UST: variants seen among roughly 807,000 people sequenced by gnomAD.
UST encodes uronyl 2-sulfotransferase, also known as chondroitin sulfate 2-O-sulfotransferase.
A neutral mutation model predicts 45.6 loss-of-function variants in UST; 21 were observed. That is an observed-to-expected ratio of 0.46 (90% CI 0.33 to 0.66). UST has a LOEUF of 0.66. Among genes scored for constraint, UST ranks in the 30% least tolerant of loss-of-function variants. The pLI is 0.02. For synonymous variants in UST, 215 were observed against 200.6 expected, an observed-to-expected ratio of 1.07 and a Z score of -0.61; for missense variants, 463 against 512.4, an observed-to-expected ratio of 0.90 and a Z score of 0.93.
At chr6:148,969,170 T>A (rs1007618535) in intron 5 of UST, among the ~76,000 whole-genome samples, 2 of 152,226 alleles carry the variant, frequency 1.3e-5, no homozygotes, top group Non-Finnish European at 2.9e-5. Context: ...AAATTTCCAC[T>A]CTGTCCCAAC....
intron 1 of UST, among the ~76,000 whole-genome samples, chr6:148,873,129 T>G (rs1021858032): frequency 1.3e-5 from 2 of 152,230 alleles, no homozygotes; most frequent in Non-Finnish European, 2.9e-5. Context: ...ATGCTGAAAT[T>G]TCTTGCAATA....
At chr6:148,806,564 C>T (rs1358165069) in intron 1 of UST, among the ~76,000 whole-genome samples, 5 of 151,994 alleles carry the variant, frequency 3.3e-5, no homozygotes, top group South Asian at 2.1e-4. Context: ...GTCTTGAACT[C>T]CTGACCTCAA....
chr6:148,785,767 G>A (rs1776723097), intron 1 of UST, among the ~76,000 whole-genome samples: 1 of 151,916 alleles, frequency 6.6e-6, no homozygotes, highest in Admixed American at 6.6e-5. Context: ...AAGATGTTGA[G>A]GAAAAAAATG....
intron 1 of UST, among the ~76,000 whole-genome samples, chr6:148,774,286 AT>A (rs61044877): frequency 0.12 from 18,464 of 148,854 alleles, 1,277 homozygotes; most frequent in African/African-American, 0.15. Context: ...ATATATATAT[AT>A]ATAAAAATAT....
At chr6:149,059,499 G>T (rs143721279) in intron 7 of UST, among the ~76,000 whole-genome samples, 1 of 152,282 alleles carries the variant, frequency 6.6e-6, no homozygotes, top group Middle Eastern at 3.4e-3. Flanking sequence ...CTTCCCATCC[G>T]CAGTGAAACA....
At chr6:148,961,343 CCTGACTCTTCTA>C (rs1780653013) in intron 4 of UST, among the ~76,000 whole-genome samples, 1 of 152,094 alleles carries the variant, frequency 6.6e-6, no homozygotes, top group Non-Finnish European at 1.5e-5. Flanking sequence ...CAAAATATGG[CCTGACTCTTCTA>C]CTCTCTAGTG....
At chr6:149,055,702 C>G (rs1776551800) in intron 7 of UST, among the ~76,000 whole-genome samples, 1 of 152,178 alleles carries the variant, frequency 6.6e-6, no homozygotes, top group Non-Finnish European at 1.5e-5. Flanking sequence ...GTTTCTTTTT[C>G]ATTTCCCCTT....
chr6:148,942,389 C>T (rs1490225538), intron 3 of UST, among the ~76,000 whole-genome samples: 3 of 152,070 alleles, frequency 2.0e-5, no homozygotes, highest in East Asian at 3.9e-4. Flanking sequence ...AACTGCGTCT[C>T]TACTAAAAAT....
intron 7 of UST, among the ~76,000 whole-genome samples, chr6:149,023,660 G>A (rs1776011772): frequency 6.6e-6 from 1 of 152,162 alleles, no homozygotes; most frequent in African/African-American, 2.4e-5. Context: ...CCTGAGGTCT[G>A]GAACACACAC....
At chr6:148,803,972 A>G (rs1777101366) in intron 1 of UST, among the ~76,000 whole-genome samples, 1 of 152,168 alleles carries the variant, frequency 6.6e-6, no homozygotes, top group Non-Finnish European at 1.5e-5. Flanking sequence ...TGGCTTGATT[A>G]TGCACTTCGT....
At chr6:148,988,224 A>G (rs1285364469) in intron 5 of UST, among the ~76,000 whole-genome samples, 1 of 152,142 alleles carries the variant, frequency 6.6e-6, no homozygotes, top group Non-Finnish European at 1.5e-5. Flanking sequence ...GAAACTTGAC[A>G]TTGAACAGTT....
chr6:148,985,923 A>G (rs557568120), intron 5 of UST, among the ~76,000 whole-genome samples: 1 of 152,328 alleles, frequency 6.6e-6, no homozygotes, highest in African/African-American at 2.4e-5. Flanking sequence ...ATGCCTGTGA[A>G]GGGAAAAGGA....
At chr6:148,991,243 A>T (rs1281273050) in intron 5 of UST, among the ~76,000 whole-genome samples, 1 of 152,198 alleles carries the variant, frequency 6.6e-6, no homozygotes, top group Non-Finnish European at 1.5e-5. Context: ...CAAAAAATAC[A>T]TCATAGTTTT....
At chr6:148,887,617 C>T (rs1778937274) in intron 2 of UST, among the ~76,000 whole-genome samples, 2 of 152,204 alleles carry the variant, frequency 1.3e-5, no homozygotes, top group Admixed American at 6.5e-5. Context: ...TGCTAATCTA[C>T]TGAAAAGTGA....
chr6:148,993,195 T>G (rs1781387785), intron 5 of UST: 2 of 423,878 alleles, frequency 4.7e-6, no homozygotes, highest in South Asian at 9.9e-5. Context: ...ATAAGAAGAA[T>G]GAGTTTCTCC....
rs370834214 is a variant in UST at position 148,929,731 on chromosome 6, G to GT, written c.292-11547dup. On this transcript the variant is annotated intron_variant, in intron 2 of 7. Transcript: ENST00000367463. ...CATCCTCGTATTGATACATGGAGAT[G>GT]TAACATAAAGCAGAGAAGTTCTTTA... Among the ~76,000 whole-genome samples, 150 of 152,336 alleles carry GT rather than the reference G, an allele frequency of 9.8e-4. 1 individual carries two copies. Among genetic ancestry groups the GT allele is most frequent in the African/African-American group, 3.5e-3 (145 of 41,574 alleles).
At chr6:148,959,850 A>T (rs7746457) in intron 4 of UST, among the ~76,000 whole-genome samples, 2 of 150,132 alleles carry the variant, frequency 1.3e-5, no homozygotes, top group Non-Finnish European at 2.9e-5. Context: ...TGGTGGGCGG[A>T]GGGGAGTCTA....
chr6:148,878,603 T>G (rs66811524), intron 1 of UST, among the ~76,000 whole-genome samples: 4,151 of 62,806 alleles, frequency 0.066, 188 homozygotes, highest in African/African-American at 0.17. Flanking sequence ...GGTCGTGTAT[T>G]AGTGTGGGTG....
At chr6:148,983,548 G>A (rs1201763115) in intron 5 of UST, among the ~76,000 whole-genome samples, 1 of 152,140 alleles carries the variant, frequency 6.6e-6, no homozygotes, top group Non-Finnish European at 1.5e-5. Flanking sequence ...GAGTTGTTAC[G>A]GCTGGAGCAG....
Sources: allele counts gnomAD v4.1 joint callset (sites outside exome capture counted in the v4.1 genomes callset), GRCh38; gene constraint gnomAD v4.1.1; transcripts MANE v1.5; gene names NCBI Gene and HGNC (gene_info 2026-07-23, HGNC 2026-07-21).